Variants in NDST3 observed in about 807,000 individuals in gnomAD.
The protein encoded by NDST3 is bifunctional heparan sulfate N-deacetylase/N-sulfotransferase 3.
NDST3 carries 58 observed loss-of-function variants against 96.1 expected under a neutral mutation model. The observed-to-expected ratio is 0.60, with a 90% CI of 0.49 to 0.75. The LOEUF is 0.75. NDST3 is among the 30% of genes least tolerant of loss of function. NDST3 has a pLI of 0.00. For missense variants in NDST3, 788 were observed against 1,034.2 expected (o/e 0.76, Z 3.27); for synonymous variants, 333 against 359.7 (o/e 0.93, Z 0.84).
At chr4:118,107,593 T>C (rs1271933523) in intron 3 of NDST3, among the ~76,000 whole-genome samples, 2 of 152,148 alleles carry the variant, frequency 1.3e-5, no homozygotes, top group Non-Finnish European at 2.9e-5. Flanking sequence ...CAAGGTATAG[T>C]ACAGTGATTA....
chr4:118,145,142 G>A (rs543767911), intron 6 of NDST3, among the ~76,000 whole-genome samples: 1 of 152,266 alleles, frequency 6.6e-6, no homozygotes, highest in South Asian at 2.1e-4. Context: ...ACAAATGGAA[G>A]TATTTTGAGT....
chr4:118,082,134 C>T (rs1283718213), intron 2 of NDST3, among the ~76,000 whole-genome samples: 2 of 152,140 alleles, frequency 1.3e-5, no homozygotes, highest in Non-Finnish European at 2.9e-5. Context: ...AAAACACAGC[C>T]TTTGGGGGTG....
At chr4:118,157,655 C>T (rs1355359237) in intron 6 of NDST3, among the ~76,000 whole-genome samples, 2 of 152,092 alleles carry the variant, frequency 1.3e-5, no homozygotes, top group Non-Finnish European at 2.9e-5. Flanking sequence ...ATCTCCTGAC[C>T]TCATGATCCA....
In NDST3 at chr4:118,207,946, G is replaced by T. The variant is rs1404870604; in HGVS notation, c.1540-16545G>T. 1.4e-5 allele frequency among the ~76,000 whole-genome samples: 2 copies of T among 143,882 alleles called. 1 individual carries two copies. Among genetic ancestry groups the T allele is most frequent in the Non-Finnish European group, 3.1e-5 (2 of 65,046 alleles). 94.4% of individuals were successfully genotyped at this position (143,882 alleles called of 152,430 possible). On this transcript the variant is annotated intron_variant, in intron 6 of 13. Coordinates refer to ENST00000296499, the MANE Select transcript of NDST3 (RefSeq NM_004784.3). ...CCTTGTGCCTCTTATGTGCAGTTCT[G>T]GGTACTTACTATTATGTGGAAGGGT... is the stretch of plus-strand genomic sequence containing the variant.
At position 118,143,619 on chromosome 4, in the gene NDST3, G is replaced by T. The variant is rs2125906258; in HGVS notation, c.1474G>T (p.Gly492Cys). The T allele has an allele frequency of 6.2e-7, 1 of 1,610,038 alleles. No individual in the cohort carries two copies. The highest frequency in any genetic ancestry group is 1.1e-5 in the South Asian group (1 of 90,066). Residue 492 changes from glycine to cysteine, a missense_variant, in exon 6 of 14, where the codon GGT (glycine) becomes TGT (cysteine). Gly to Cys is a radical substitution (Grantham distance 159). Around this residue, in one of 3 missense-constraint regions of NDST3, gnomAD observed 490 missense variants for 708.8 expected, o/e 0.69. Transcript: ENST00000296499. Reference protein sequence around the residue: ...HTIFYKEYPGGPKELDKSIQG... With the variant: ...HTIFYKEYPGCPKELDKSIQG... ...CATTTTCTACAAAGAATATCCAGGG[G>T]GTCCTAAAGAGCTGGATAAGAGTAT... is the stretch of plus-strand genomic sequence containing the variant.
chr4:118,207,335 T>C lies in NDST3; in HGVS notation c.1540-17156T>C, dbSNP rs1462443720. Among the ~76,000 whole-genome samples, 3 of 144,664 alleles carry C rather than the reference T, an allele frequency of 2.1e-5. 1 individual carries two copies. Among genetic ancestry groups the C allele is most frequent in the Non-Finnish European group, 4.6e-5 (3 of 65,294 alleles). 94.9% of individuals were successfully genotyped at this position (144,664 alleles called of 152,430 possible). A position where few individuals can be genotyped will look rare whatever the true frequency, so the allele number is the denominator to read the frequency against. Reference sequence around the variant, plus strand: ...AAATTTATAAAGAAAGAATATGGACTTAGAAGAACAGAAATTTGTAGAAAG... The same window carrying C: ...AAATTTATAAAGAAAGAATATGGACCTAGAAGAACAGAAATTTGTAGAAAG... On this transcript the variant is annotated intron_variant, in intron 6 of 13. Transcript: ENST00000296499.
At chr4:118,138,615 T>A (rs932336121) in intron 5 of NDST3, among the ~76,000 whole-genome samples, 2 of 152,190 alleles carry the variant, frequency 1.3e-5, no homozygotes, top group African/African-American at 4.8e-5. Flanking sequence ...GACAAGCCAG[T>A]CAAACTGTGT....
chr4:118,068,981 T>A (rs1032309097), intron 2 of NDST3, among the ~76,000 whole-genome samples: 1 of 152,078 alleles, frequency 6.6e-6, no homozygotes, highest in Non-Finnish European at 1.5e-5. Context: ...TGGAGATCAA[T>A]ATAGTGCATT....
chr4:118,133,778 G>T (rs1433395766), intron 4 of NDST3, among the ~76,000 whole-genome samples: 1 of 152,154 alleles, frequency 6.6e-6, no homozygotes, highest in Non-Finnish European at 1.5e-5. Context: ...GTGTAATGAA[G>T]ATAATTGAGA....
intron 1 of NDST3, among the ~76,000 whole-genome samples, chr4:118,050,835 T>G (rs1002934727): frequency 6.6e-6 from 1 of 151,900 alleles, no homozygotes; most frequent in East Asian, 1.9e-4. Context: ...ACTATCATAT[T>G]ACAAATGCTA....
intron 4 of NDST3, among the ~76,000 whole-genome samples, chr4:118,130,656 G>A (rs1732536327): frequency 6.6e-6 from 1 of 151,962 alleles, no homozygotes; most frequent in South Asian, 2.1e-4. Flanking sequence ...TATTACCAGT[G>A]TACCAGTATT....
chr4:118,182,630 A>G (rs894499632), intron 6 of NDST3, among the ~76,000 whole-genome samples: 1 of 152,204 alleles, frequency 6.6e-6, no homozygotes, highest in Non-Finnish European at 1.5e-5. Flanking sequence ...TCTGGGTTCT[A>G]GGCCATTCAG....
At chr4:118,187,385 A>C (rs908883169) in intron 6 of NDST3, among the ~76,000 whole-genome samples, 3 of 152,216 alleles carry the variant, frequency 2.0e-5, no homozygotes, top group South Asian at 2.1e-4. Flanking sequence ...AGAAAGAGCG[A>C]TCTAACAAAT....
intron 6 of NDST3, among the ~76,000 whole-genome samples, chr4:118,166,596 A>G (rs1383887024): frequency 1.3e-5 from 2 of 152,034 alleles, no homozygotes; most frequent in Non-Finnish European, 2.9e-5. Flanking sequence ...ATATACTATG[A>G]GAAGAGAAAC....
At chr4:118,078,897 C>T (rs1158278863) in intron 2 of NDST3, among the ~76,000 whole-genome samples, 2 of 152,168 alleles carry the variant, frequency 1.3e-5, no homozygotes, top group African/African-American at 4.8e-5. Context: ...GTGAGAATGA[C>T]ACTCTATGTC....
intron 6 of NDST3, among the ~76,000 whole-genome samples, chr4:118,160,171 T>C (rs1386095870): frequency 2.6e-5 from 4 of 152,048 alleles, no homozygotes; most frequent in Non-Finnish European, 1.5e-5. Context: ...AGAAAACTGA[T>C]TCATCACATA....
At chr4:118,247,778 A>G (rs888934650) in intron 12 of NDST3, among the ~76,000 whole-genome samples, 4 of 152,216 alleles carry the variant, frequency 2.6e-5, no homozygotes, top group Non-Finnish European at 5.9e-5. Flanking sequence ...TTAAAATAAA[A>G]TGCATATCAG....
At chr4:118,148,069 T>A (rs542117540) in intron 6 of NDST3, among the ~76,000 whole-genome samples, 5 of 152,092 alleles carry the variant, frequency 3.3e-5, no homozygotes, top group Non-Finnish European at 7.4e-5. Flanking sequence ...GAGGCCAAGG[T>A]GGGCAGATCA....
At chr4:118,150,643 C>T (rs1412134933) in intron 6 of NDST3, among the ~76,000 whole-genome samples, 8 of 151,244 alleles carry the variant, frequency 5.3e-5, no homozygotes, top group Non-Finnish European at 1.0e-4. Context: ...AAAATGCTCA[C>T]CATCACTGGC....
Sources: gnomAD v4.1 joint callset for allele counts (sites outside exome capture counted in the v4.1 genomes callset) on GRCh38, gnomAD v4.1.1 for gene constraint, gnomAD v4.1.1 regional missense constraint, MANE v1.5 for transcripts, NCBI Gene and HGNC (gene_info 2026-07-23, HGNC 2026-07-21) for gene names.